BRWD3: variants seen among roughly 807,000 people sequenced by gnomAD.
The protein encoded by BRWD3 is bromodomain and WD repeat-containing protein 3.
In BRWD3, 10 loss-of-function variants were observed where a neutral mutation model predicts 149.7. The observed-to-expected ratio is 0.07, with a 90% CI of 0.04 to 0.11. BRWD3 has a LOEUF of 0.11. Among genes scored for constraint, BRWD3 ranks in the 10% least tolerant of loss-of-function variants. BRWD3 has a pLI of 1.00. For synonymous variants in BRWD3, 504 were observed against 456.7 expected, an observed-to-expected ratio of 1.10 and a Z score of -1.32; for missense variants, 940 against 1,373.2, an observed-to-expected ratio of 0.68 and a Z score of 4.99.
intron 5 of BRWD3, 150 bp from the exon 6 acceptor site, chrX:80,792,102 T>C: frequency 2.3e-6 from 1 of 444,337 alleles, no homozygotes; most frequent in South Asian, 3.7e-5. Context: ...TATTTGAACA[T>C]GTTATAAACT....
At position 80,670,161 on chromosome X, in the gene BRWD3, A is replaced by G. The variant is rs2072312096; in HGVS notation, c.*6448T>C. The stretch of plus-strand genomic sequence containing the variant: ...TGTTTCCCTAGAACTTTGGGGGAAA[A>G]ATCGATACCGTAAAAAGTTTACTTC... On this transcript the variant is annotated 3_prime_UTR_variant, in exon 41 of 41. Transcript: ENST00000373275. Among the ~76,000 whole-genome samples, 2 of 111,051 alleles carry G rather than the reference A, an allele frequency of 1.8e-5. No homozygotes were observed. Among genetic ancestry groups the G allele is most frequent in the Non-Finnish European group, 3.8e-5 (2 of 52,999 alleles).
At chrX:80,747,090 C>A (rs2073603387) in intron 6 of BRWD3, among the ~76,000 whole-genome samples, 2 of 110,086 alleles carry the variant, frequency 1.8e-5, no homozygotes, top group Admixed American at 2.0e-4. Flanking sequence ...TCCCATGACT[C>A]CAAGATAGGA....
In BRWD3 at chrX:80,682,539, C is replaced by A. The variant is rs776464457; in HGVS notation, c.4323G>T (p.Gln1441His). Residue 1441 changes from glutamine to histidine, a missense_variant, in exon 38 of 41, where the codon CAG becomes CAT. Gln to His is a conservative substitution (Grantham distance 24). Transcript: ENST00000373275. ...TTCTGTACCGTGGCCTTCTCCTCTT[C>A]TGACTCTGGATTGCTGACTTATATT... ...ISEYKSAIQS[Q>H]KRRRPRYRKR... 3 of 1,210,254 alleles carry A rather than the reference C, an allele frequency of 2.5e-6. No individual in the cohort carries two copies. The highest frequency in any genetic ancestry group is 3.4e-6 in the Non-Finnish European group (3 of 894,331).
chrX:80,722,894 A>C (rs1045369004), intron 16 of BRWD3, 107 bp from the exon 17 acceptor site: 1 of 680,875 alleles, frequency 1.5e-6, no homozygotes, highest in African/African-American at 2.2e-5. Flanking sequence ...AATCTTTTGC[A>C]TACTCTTCTA....
intron 6 of BRWD3, among the ~76,000 whole-genome samples, chrX:80,773,951 A>T (rs1000303472): frequency 2.0e-4 from 22 of 112,299 alleles, no homozygotes; most frequent in Non-Finnish European, 3.7e-5. Flanking sequence ...TGCCCTGAAC[A>T]CTTTGGAAAA....
In BRWD3 at chrX:80,743,324, C is replaced by T. The variant is rs1005608118; in HGVS notation, c.813+708G>A. 3.6e-5 allele frequency among the ~76,000 whole-genome samples: 4 copies of T among 111,574 alleles called. No homozygotes were observed. The Admixed American group carries it at 3.8e-4, about 11-fold the overall frequency. On this transcript the variant is annotated intron_variant, in intron 8 of 40. Coordinates refer to ENST00000373275, the MANE Select transcript of BRWD3 (RefSeq NM_153252.5). ...AGTATTTTATTGAGGATTTTTGCAT[C>T]GATGTTCATCAAGGATATTGGTCTA...
At position 80,809,155 on chromosome X, in the gene BRWD3, C is replaced by T; in HGVS notation, c.90+91G>A. The T allele has an allele frequency of 2.6e-6, 3 of 1,142,927 alleles. No individual in the cohort carries two copies. The South Asian group carries it at 5.7e-5, about 22-fold the overall frequency. 94.2% of individuals were successfully genotyped at this position (1,142,927 alleles called of 1,213,427 possible). On this transcript the variant is annotated intron_variant, in intron 2 of 40. Transcript: ENST00000373275. ...TTTGACTAGTCAAGGCCGGCCTTTCCCTCACCCTCAACGGAACTGCTCGTC... is the reference window on the plus strand; with the variant it reads ...TTTGACTAGTCAAGGCCGGCCTTTCTCTCACCCTCAACGGAACTGCTCGTC...
chrX:80,793,571 A>C (rs1286677322), intron 5 of BRWD3, 51 bp downstream of exon 5: 2 of 1,130,330 alleles, frequency 1.8e-6, no homozygotes, highest in African/African-American at 3.6e-5. Flanking sequence ...AAAATAAGCT[A>C]CTCTCCACTC....
At chrX:80,733,594 A>AT in intron 11 of BRWD3, 98 bp from the exon 12 acceptor site, 8 of 623,877 alleles carry the variant, frequency 1.3e-5, no homozygotes, top group East Asian at 3.6e-5. Context: ...ATCATGAAGT[A>AT]GTTTTTTTTT....
chrX:80,712,601 T>C (rs760304045), intron 20 of BRWD3, among the ~76,000 whole-genome samples: 10 of 104,548 alleles, frequency 9.6e-5, no homozygotes, highest in South Asian at 4.4e-4. Flanking sequence ...CGTCTCTGCC[T>C]GGCTGCCCAT....
intron 11 of BRWD3, 100 bp from the exon 12 acceptor site, chrX:80,733,596 T>A (rs1005790173): frequency 1.0e-5 from 2 of 193,872 alleles, no homozygotes; most frequent in Non-Finnish European, 9.0e-6. Flanking sequence ...CATGAAGTAG[T>A]TTTTTTTTTT....
chrX:80,724,388 A>G (rs2073190575), intron 15 of BRWD3, among the ~76,000 whole-genome samples: 2 of 111,702 alleles, frequency 1.8e-5, no homozygotes, highest in Non-Finnish European at 3.8e-5. Context: ...TTAAGAGGAT[A>G]TTAGTATTTC....
At chrX:80,795,945 AAC>A (rs1269333493) in intron 4 of BRWD3, among the ~76,000 whole-genome samples, 1 of 109,182 alleles carries the variant, frequency 9.2e-6, no homozygotes, top group Admixed American at 9.9e-5. Context: ...ACAACAATAA[AAC>A]ACAAAAGAAT....
chrX:80,718,421 A>C (rs947842892), intron 18 of BRWD3, among the ~76,000 whole-genome samples: 2 of 111,873 alleles, frequency 1.8e-5, no homozygotes, highest in African/African-American at 6.5e-5. Context: ...GGGTCTCTTG[A>C]CTAATGCCAT....
At chrX:80,689,621 T>C (rs1246563410) in intron 33 of BRWD3, 147 bp downstream of exon 33, 1 of 502,924 alleles carries the variant, frequency 2.0e-6, no homozygotes, top group Non-Finnish European at 3.4e-6. Flanking sequence ...ATATGCCATC[T>C]AAGTACACTT....
chrX:80,704,958 T>G (rs1282276767), intron 22 of BRWD3, 112 bp from the exon 23 acceptor site: 1 of 815,590 alleles, frequency 1.2e-6, no homozygotes, highest in African/African-American at 2.1e-5. Flanking sequence ...ATGGCTGGAT[T>G]TTTTTCTAAC....
chrX:80,745,726 T>G lies in BRWD3; in HGVS notation c.434A>C (p.Asn145Thr). ...GGTTAATTGCCTGGCAGAGGTGATA[T>G]TCACTGAAAAAAATACGAAATTAAC... ...VNYVKPPNVV[N>T]ITSARQLTGC... The change falls in exon 7 of 41, where the codon AAT becomes ACT. Residue 145 changes from asparagine (N) to threonine (T), a missense_variant. Physicochemically the swap from Asn to Thr is moderately conservative, Grantham distance 65 (BLOSUM62 0). Coordinates refer to ENST00000373275, the MANE Select transcript of BRWD3 (RefSeq NM_153252.5). 1 of 1,201,753 alleles carries G rather than the reference T, an allele frequency of 8.3e-7. No homozygotes were observed. Among genetic ancestry groups the G allele is most frequent in the Non-Finnish European group, 1.1e-6 (1 of 889,504 alleles).
In BRWD3 at chrX:80,809,720, T is replaced by TGA. The variant is rs1057516007; in HGVS notation, c.-251_-250dup. 4.5e-6 allele frequency: 1 copy of TGA among 222,827 alleles called. No individual in the cohort carries two copies. 18.4% of individuals were successfully genotyped at this position (222,827 alleles called of 1,213,427 possible). On this transcript the variant is annotated 5_prime_UTR_variant, in exon 1 of 41. Transcript: ENST00000373275. ...GAGAGGGAGAGAGAGAGTGAGTGAGTGAGAGAGAGAGAGAGAAGAGAGAGA... is the reference window on the plus strand; with the variant it reads ...GAGAGGGAGAGAGAGAGTGAGTGAGTGAGAGAGAGAGAGAGAGAAGAGAGAGA...
At chrX:80,701,257 A>G (rs1037536296) in intron 24 of BRWD3, among the ~76,000 whole-genome samples, 1 of 110,766 alleles carries the variant, frequency 9.0e-6, no homozygotes, top group Middle Eastern at 4.2e-3. Flanking sequence ...GTTTAAAAGC[A>G]GTGATAGAGG....
Sources: gnomAD v4.1 joint callset for allele counts (sites outside exome capture counted in the v4.1 genomes callset) on GRCh38, gnomAD v4.1.1 for gene constraint, MANE v1.5 for transcripts, NCBI Gene and HGNC (gene_info 2026-07-23, HGNC 2026-07-21) for gene names.